SLC4A4: variants seen among roughly 807,000 people sequenced by gnomAD.
The protein encoded by SLC4A4 is solute carrier family 4 member 4.
In SLC4A4, 27 loss-of-function variants were observed where a neutral mutation model predicts 111.5. That is an observed-to-expected ratio of 0.24 (90% CI 0.18 to 0.33). The LOEUF (loss-of-function observed/expected upper bound fraction) is 0.33. Ranked by LOEUF, SLC4A4 falls within the 10% of genes least tolerant of loss-of-function variation. SLC4A4 has a pLI of 1.00. For synonymous variants in SLC4A4, 443 were observed against 463.4 expected (o/e 0.96, Z 0.57); for missense variants, 909 against 1,315.5 (o/e 0.69, Z 4.78).
chr4:71,088,822 C>A (rs1742280612), intron 1 of SLC4A4, among the ~76,000 whole-genome samples: 1 of 152,038 alleles, frequency 6.6e-6, no homozygotes, highest in Admixed American at 6.5e-5. Context: ...ACCTTTCTCT[C>A]TGGCTGCCCT....
At chr4:71,143,118 TC>T (rs1297232500) in intron 2 of SLC4A4, among the ~76,000 whole-genome samples, 2 of 150,988 alleles carry the variant, frequency 1.3e-5, no homozygotes, top group East Asian at 3.9e-4. Flanking sequence ...CATGCAACCA[TC>T]CCCGGTGTGT....
At chr4:71,513,812 C>A (rs1732139766) in intron 16 of SLC4A4, among the ~76,000 whole-genome samples, 1 of 151,948 alleles carries the variant, frequency 6.6e-6, no homozygotes, top group African/African-American at 2.4e-5. Context: ...TCCTTCTATT[C>A]CTAGTTTATT....
At chr4:71,427,089 A>C (rs1289660274) in intron 7 of SLC4A4, among the ~76,000 whole-genome samples, 1 of 152,142 alleles carries the variant, frequency 6.6e-6, no homozygotes. Context: ...CACAATGTGA[A>C]CACACCTATA....
intron 1 of SLC4A4, chr4:71,236,161 C>T (rs772231887): frequency 5.1e-5 from 54 of 1,057,194 alleles, no homozygotes; most frequent in Non-Finnish European, 6.1e-5. Context: ...GTTTAAAGAG[C>T]TAAGCACTGA....
At chr4:71,395,249 T>C (rs1178498791) in intron 6 of SLC4A4, among the ~76,000 whole-genome samples, 1 of 151,994 alleles carries the variant, frequency 6.6e-6, no homozygotes, top group African/African-American at 2.4e-5. Context: ...ATGGGGAGTT[T>C]GGTAGGGAGG....
intron 16 of SLC4A4, among the ~76,000 whole-genome samples, chr4:71,517,063 T>G (rs1732472799): frequency 1.3e-5 from 2 of 152,136 alleles, no homozygotes; most frequent in Non-Finnish European, 2.9e-5. Context: ...TTTCATTATA[T>G]CTTGATATAG....
chr4:71,254,611 C>T (rs1721304338), intron 2 of SLC4A4, among the ~76,000 whole-genome samples: 1 of 151,610 alleles, frequency 6.6e-6, no homozygotes, highest in African/African-American at 2.4e-5. Context: ...TTATTTTTCT[C>T]AGTTTGTCCC....
chr4:71,517,956 A>C (rs1732560788), intron 16 of SLC4A4, among the ~76,000 whole-genome samples: 2 of 152,108 alleles, frequency 1.3e-5, no homozygotes, highest in Admixed American at 6.5e-5. Flanking sequence ...GCCTGGGTCC[A>C]TGAGGGCTGG....
At chr4:71,299,035 ATCTAGGTGT>A (rs1725015722) in intron 3 of SLC4A4, among the ~76,000 whole-genome samples, 1 of 152,248 alleles carries the variant, frequency 6.6e-6, no homozygotes, top group Non-Finnish European at 1.5e-5. Context: ...CATCTAACAC[ATCTAGGTGT>A]TCATAATGTG....
chr4:71,330,647 G>A (rs1225759453), intron 3 of SLC4A4, among the ~76,000 whole-genome samples: 2 of 152,082 alleles, frequency 1.3e-5, no homozygotes, highest in Non-Finnish European at 2.9e-5. Flanking sequence ...GAAAACCTAG[G>A]CAATACCATT....
At chr4:71,072,427 C>T (rs1156584034) in intron 1 of SLC4A4, among the ~76,000 whole-genome samples, 2 of 152,222 alleles carry the variant, frequency 1.3e-5, no homozygotes, top group Non-Finnish European at 1.5e-5. Flanking sequence ...CTGTTTCATT[C>T]AGCAATTTAT....
At chr4:71,350,281 C>A (rs1352071327) in intron 5 of SLC4A4, among the ~76,000 whole-genome samples, 1 of 152,100 alleles carries the variant, frequency 6.6e-6, no homozygotes, top group East Asian at 1.9e-4. Flanking sequence ...TCTTCCATAA[C>A]ATCTTCCTCT....
intron 2 of SLC4A4, among the ~76,000 whole-genome samples, chr4:71,105,167 C>A (rs1317554447): frequency 6.8e-6 from 1 of 146,322 alleles, no homozygotes; most frequent in African/African-American, 2.6e-5. Flanking sequence ...AACTCCCATT[C>A]ACAATTGCTT....
At chr4:71,317,752 A>G (rs1430248632) in intron 3 of SLC4A4, among the ~76,000 whole-genome samples, 2 of 152,038 alleles carry the variant, frequency 1.3e-5, no homozygotes, top group African/African-American at 2.4e-5. Context: ...AAGAGTACGG[A>G]CTTTATGGTC....
intron 6 of SLC4A4, among the ~76,000 whole-genome samples, chr4:71,368,754 T>G (rs1006482405): frequency 6.6e-6 from 1 of 152,234 alleles, no homozygotes. Context: ...AATTTATGTT[T>G]TGTGTATTAG....
At chr4:71,304,993 C>T (rs1228424150) in intron 3 of SLC4A4, among the ~76,000 whole-genome samples, 1 of 152,182 alleles carries the variant, frequency 6.6e-6, no homozygotes, top group Admixed American at 6.5e-5. Context: ...CAAATATGCT[C>T]AGTTACTGGG....
intron 3 of SLC4A4, among the ~76,000 whole-genome samples, chr4:71,281,153 GT>G (rs1723481818): frequency 6.6e-6 from 1 of 152,156 alleles, no homozygotes; most frequent in Non-Finnish European, 1.5e-5. Flanking sequence ...TGCATGCTGT[GT>G]ACTTAACTTT....
chr4:71,301,041 G>A (rs535351408), intron 3 of SLC4A4: 34 of 414,686 alleles, frequency 8.2e-5, no homozygotes, highest in African/African-American at 6.7e-4. Flanking sequence ...GAAGGGAGAA[G>A]GTGCTTAACA....
At chr4:71,095,568 C>A (rs1310572335) in intron 2 of SLC4A4, among the ~76,000 whole-genome samples, 1 of 152,154 alleles carries the variant, frequency 6.6e-6, no homozygotes, top group Non-Finnish European at 1.5e-5. Flanking sequence ...TGCATAGGTT[C>A]TGTTTAGATG....
Sources: gnomAD v4.1 joint callset for allele counts (sites outside exome capture counted in the v4.1 genomes callset) on GRCh38, gnomAD v4.1.1 for gene constraint, MANE v1.5 for transcripts, NCBI Gene and HGNC (gene_info 2026-07-23, HGNC 2026-07-21) for gene names.